LAPTM4B: variants seen among roughly 807,000 people sequenced by gnomAD.
The protein encoded by LAPTM4B is lysosomal-associated transmembrane protein 4B.
In LAPTM4B, 26 loss-of-function variants were observed where a neutral mutation model predicts 28.5. The ratio of observed to expected loss-of-function variants is 0.91; its 90% confidence interval spans 0.67 to 1.27. LAPTM4B has a LOEUF of 1.27. Among genes scored for constraint, LAPTM4B ranks in the 50% most tolerant of loss-of-function variants. The pLI, the probability that LAPTM4B is intolerant of heterozygous loss-of-function variation, is 0.00. For missense variants in LAPTM4B, 288 were observed against 285.8 expected, an observed-to-expected ratio of 1.01 and a Z score of -0.06; for synonymous variants, 109 against 106.4, an observed-to-expected ratio of 1.02 and a Z score of -0.15.
chr8:97,789,986 C>G (rs1386402972), intron 1 of LAPTM4B, among the ~76,000 whole-genome samples: 1 of 152,174 alleles, frequency 6.6e-6, no homozygotes, highest in African/African-American at 2.4e-5. Context: ...TTTCCTGTGC[C>G]TGGCTTATTT....
rs1489104689 is a variant in LAPTM4B at position 97,781,277 on chromosome 8, C to CATTTTTT, written c.99+5169_99+5170insATTTTTT. Among the ~76,000 whole-genome samples the CATTTTTT allele has an allele frequency of 2.6e-3, 115 of 43,972 alleles. 2 individuals carry two copies. The highest frequency in any genetic ancestry group is 0.016 in the East Asian group (18 of 1,108). The allele number at this position is 43,972 out of a possible 152,430, so 28.8% of individuals were successfully genotyped here. On this transcript the variant is annotated intron_variant, in intron 1 of 6. Coordinates refer to ENST00000521545, the MANE Select transcript of LAPTM4B (RefSeq NM_018407.6). ...TACAGGCGTGAGCCACTGTGCCCGG[C>CATTTTTT]CTTTTTTTTTTTTTTTTTTTTTGAG...
chr8:97,842,217 C>T (rs1048241661), intron 6 of LAPTM4B, among the ~76,000 whole-genome samples: 38 of 133,716 alleles, frequency 2.8e-4, no homozygotes, highest in African/African-American at 8.9e-4. Flanking sequence ...TTTCACATGT[C>T]GCAAAACATT....
At chr8:97,827,618 G>A (rs1817110368) in intron 6 of LAPTM4B, among the ~76,000 whole-genome samples, 1 of 152,140 alleles carries the variant, frequency 6.6e-6, no homozygotes, top group Non-Finnish European at 1.5e-5. Flanking sequence ...ACACTTTTGG[G>A]GATTGAGCCC....
chr8:97,848,981 G>C (rs947666251), intron 6 of LAPTM4B, among the ~76,000 whole-genome samples: 3 of 152,196 alleles, frequency 2.0e-5, no homozygotes, highest in African/African-American at 4.8e-5. Context: ...TGGAGATGCT[G>C]TTGTTAGATA....
At chr8:97,837,119 T>G (rs1275404427) in intron 6 of LAPTM4B, among the ~76,000 whole-genome samples, 1 of 151,260 alleles carries the variant, frequency 6.6e-6, no homozygotes, top group East Asian at 1.9e-4. Flanking sequence ...GGAATGGGAG[T>G]GGAGTCAGAT....
At chr8:97,806,598 G>C (rs980125579) in intron 2 of LAPTM4B, among the ~76,000 whole-genome samples, 2 of 152,084 alleles carry the variant, frequency 1.3e-5, no homozygotes, top group Non-Finnish European at 1.5e-5. Flanking sequence ...CCCAAATCTC[G>C]AATTGTATCT....
chr8:97,794,690 A>G (rs1586323449), intron 1 of LAPTM4B, among the ~76,000 whole-genome samples: 1 of 152,268 alleles, frequency 6.6e-6, no homozygotes, highest in East Asian at 1.9e-4. Flanking sequence ...CATACCTGCC[A>G]TTAATAGCTT....
At chr8:97,825,410 A>G (rs761571804) in intron 6 of LAPTM4B, among the ~76,000 whole-genome samples, 1 of 152,246 alleles carries the variant, frequency 6.6e-6, no homozygotes, top group African/African-American at 2.4e-5. Flanking sequence ...CAGATAGATA[A>G]TATATGTACC....
chr8:97,816,769 TGCTCAAAAACAAACA>T (rs1207178050), intron 4 of LAPTM4B, among the ~76,000 whole-genome samples: 1 of 152,164 alleles, frequency 6.6e-6, no homozygotes, highest in Non-Finnish European at 1.5e-5. Flanking sequence ...AGTGGGACTC[TGCTCAAAAACAAACA>T]AAATAATTAG....
At chr8:97,803,134 G>T (rs1816712844) in intron 1 of LAPTM4B, among the ~76,000 whole-genome samples, 1 of 151,722 alleles carries the variant, frequency 6.6e-6, no homozygotes, top group South Asian at 2.1e-4. Flanking sequence ...GGCAGGTGGA[G>T]GTTGTAGTGA....
chr8:97,809,372 A>G lies in LAPTM4B; in HGVS notation c.211+3908A>G, dbSNP rs532417896. Among the ~76,000 whole-genome samples the G allele has an allele frequency of 1.1e-4, 16 of 152,318 alleles. No individual in the cohort carries two copies. The South Asian group carries it at 2.9e-3, about 28-fold the overall frequency. On this transcript the variant is annotated intron_variant, in intron 2 of 6. Transcript: ENST00000521545. Reference sequence around the variant, plus strand: ...AAATATTTTTTCTGGAAGAGTTCATATGAGTATAATGGGGTTATTCAGAAT... The same window carrying G: ...AAATATTTTTTCTGGAAGAGTTCATGTGAGTATAATGGGGTTATTCAGAAT...
chr8:97,830,031 G>A (rs538132074), intron 6 of LAPTM4B, among the ~76,000 whole-genome samples: 2 of 152,274 alleles, frequency 1.3e-5, no homozygotes, highest in East Asian at 3.9e-4. Context: ...AAGATGTTCG[G>A]GAGGGTAAAG....
In LAPTM4B at chr8:97,807,887, T is replaced by TAA. The variant is rs58830867; in HGVS notation, c.211+2442_211+2443dup. On this transcript the variant is annotated intron_variant, in intron 2 of 6. Transcript: ENST00000521545. The stretch of plus-strand genomic sequence containing the variant: ...CATTAAAGTTACTGCAGAGATAACT[T>TAA]AAAAAAAAAAAAAAAAAAAAGGAAA... Among the ~76,000 whole-genome samples, 168 of 140,024 alleles carry TAA rather than the reference T, an allele frequency of 1.2e-3. 1 individual carries two copies. The highest frequency in any genetic ancestry group is 4.3e-3 in the African/African-American group (161 of 37,204). 91.9% of individuals were successfully genotyped at this position (140,024 alleles called of 152,430 possible). A position where few individuals can be genotyped will look rare whatever the true frequency, so the allele number is the denominator to read the frequency against.
At chr8:97,820,741 G>A (rs959454823) in intron 5 of LAPTM4B, among the ~76,000 whole-genome samples, 1 of 151,664 alleles carries the variant, frequency 6.6e-6, no homozygotes, top group African/African-American at 2.4e-5. Context: ...TGTTGTTGTT[G>A]TTGTTGAGAC....
At chr8:97,835,345 C>CA (rs1817244314) in intron 6 of LAPTM4B, among the ~76,000 whole-genome samples, 1 of 152,142 alleles carries the variant, frequency 6.6e-6, no homozygotes, top group African/African-American at 2.4e-5. Context: ...TGCTCTTTCC[C>CA]AAAATTCTTC....
chr8:97,851,967 G>C lies in LAPTM4B; in HGVS notation c.*493G>C, dbSNP rs1817530893. Reference sequence around the variant, plus strand: ...AGAAGTCCTTATGTATGTGTTACAAGAATTTCCCCCACAACATCCTTTATG... The same window carrying C: ...AGAAGTCCTTATGTATGTGTTACAACAATTTCCCCCACAACATCCTTTATG... On this transcript the variant is annotated 3_prime_UTR_variant, in exon 7 of 7. Coordinates refer to ENST00000521545, the MANE Select transcript of LAPTM4B (RefSeq NM_018407.6). 6.5e-6 allele frequency: 1 copy of C among 154,130 alleles called. No individual in the cohort carries two copies. The highest frequency in any genetic ancestry group is 1.4e-5 in the Non-Finnish European group (1 of 69,446). The allele number at this position is 154,130 out of a possible 1,614,324, so 9.5% of individuals were successfully genotyped here. A position where few individuals can be genotyped will look rare whatever the true frequency, so the allele number is the denominator to read the frequency against.
chr8:97,795,423 A>G (rs1207712406), intron 1 of LAPTM4B, among the ~76,000 whole-genome samples: 1 of 152,200 alleles, frequency 6.6e-6, no homozygotes, highest in African/African-American at 2.4e-5. Flanking sequence ...ATTTTTACTG[A>G]TTATTGTACG....
At chr8:97,848,042 T>C (rs1243715068) in intron 6 of LAPTM4B, among the ~76,000 whole-genome samples, 1 of 152,154 alleles carries the variant, frequency 6.6e-6, no homozygotes, top group South Asian at 2.1e-4. Flanking sequence ...GGCAGTCGGA[T>C]CACCTGAGGG....
At chr8:97,807,976 T>A (rs771316963) in intron 2 of LAPTM4B, among the ~76,000 whole-genome samples, 31 of 151,724 alleles carry the variant, frequency 2.0e-4, no homozygotes, top group Non-Finnish European at 4.1e-4. Context: ...GTATGTGCCA[T>A]CACATGGCTA....
Sources: allele counts gnomAD v4.1 joint callset (sites outside exome capture counted in the v4.1 genomes callset), GRCh38; gene constraint gnomAD v4.1.1; transcripts MANE v1.5; gene names NCBI Gene and HGNC (gene_info 2026-07-23, HGNC 2026-07-21).